LRRTM4: variants seen among roughly 807,000 people sequenced by gnomAD.
The protein encoded by LRRTM4 is leucine-rich repeat transmembrane neuronal protein 4.
In LRRTM4, 25 loss-of-function variants were observed where a neutral mutation model predicts 47.6. The observed-to-expected ratio is 0.53, with a 90% CI of 0.38 to 0.73. The LOEUF is 0.73. Ranked by LOEUF, LRRTM4 falls within the 30% of genes least tolerant of loss-of-function variation. The probability of loss-of-function intolerance (pLI) is 0.00; values close to 1 mark genes in which losing one functional copy is unlikely to be tolerated. For synonymous variants in LRRTM4, 311 were observed against 269.5 expected, an observed-to-expected ratio of 1.15 and a Z score of -1.51; for missense variants, 638 against 713.4, an observed-to-expected ratio of 0.89 and a Z score of 1.20.
chr2:76,770,710 T>C (rs1252707394), intron 3 of LRRTM4, among the ~76,000 whole-genome samples: 1 of 152,322 alleles, frequency 6.6e-6, no homozygotes, highest in East Asian at 1.9e-4. Flanking sequence ...CTTTTACATA[T>C]TCAGCATTTT....
intron 3 of LRRTM4, among the ~76,000 whole-genome samples, chr2:77,263,936 A>G (rs976932064): frequency 6.6e-6 from 1 of 152,076 alleles, no homozygotes; most frequent in Non-Finnish European, 1.5e-5. Context: ...TGGTGTCTAT[A>G]CAAAGGAAGA....
At chr2:77,405,709 T>A (rs1367459378) in intron 3 of LRRTM4, among the ~76,000 whole-genome samples, 3 of 152,104 alleles carry the variant, frequency 2.0e-5, no homozygotes, top group African/African-American at 7.2e-5. Flanking sequence ...ATAAGTGATC[T>A]TAAAGGGAAA....
In LRRTM4 at chr2:77,060,455, T is replaced by C. The variant is rs901006884; in HGVS notation, c.1552-311539A>G. Among the ~76,000 whole-genome samples, 3 of 152,158 alleles carry C rather than the reference T, an allele frequency of 2.0e-5. No individual in the cohort carries two copies. In the South Asian group the frequency reaches 6.2e-4, roughly 32 times the overall value. ...CTTTGTAAAAAGAGATTTAGGTAAATATGTTTGGGAATTTAAAAAATATTA... is the reference window on the plus strand; with the variant it reads ...CTTTGTAAAAAGAGATTTAGGTAAACATGTTTGGGAATTTAAAAAATATTA... On this transcript the variant is annotated intron_variant, in intron 3 of 3. Coordinates refer to ENST00000409884, the MANE Select transcript of LRRTM4 (RefSeq NM_001134745.3).
At position 77,292,696 on chromosome 2, in the gene LRRTM4, G is replaced by T. The variant is rs1676860502; in HGVS notation, c.1551+225622C>A. Among the ~76,000 whole-genome samples the T allele has an allele frequency of 4.8e-5, 6 of 125,328 alleles. No individual in the cohort carries two copies. In the South Asian group the frequency reaches 1.4e-3, roughly 30 times the overall value. 82.2% of individuals were successfully genotyped at this position (125,328 alleles called of 152,430 possible). ...GGAACATCACACTCTGGGGACTGTTGTGGGGTGGGGGGAGGGGGGAGGGGT... is the reference window on the plus strand; with the variant it reads ...GGAACATCACACTCTGGGGACTGTTTTGGGGTGGGGGGAGGGGGGAGGGGT... On this transcript the variant is annotated intron_variant, in intron 3 of 3. Coordinates refer to ENST00000409884, the MANE Select transcript of LRRTM4 (RefSeq NM_001134745.3).
chr2:76,840,523 A>G (rs1441463799), intron 3 of LRRTM4, among the ~76,000 whole-genome samples: 1 of 152,204 alleles, frequency 6.6e-6, no homozygotes, highest in Non-Finnish European at 1.5e-5. Context: ...GTTTATGTGC[A>G]GTAAATGTAA....
intron 3 of LRRTM4, among the ~76,000 whole-genome samples, chr2:77,224,059 A>G (rs1247263751): frequency 6.6e-6 from 1 of 151,416 alleles, no homozygotes; most frequent in Non-Finnish European, 1.5e-5. Context: ...GATGCCGCAT[A>G]TCTACAACTA....
chr2:77,264,163 G>T (rs756233032), intron 3 of LRRTM4, among the ~76,000 whole-genome samples: 7 of 152,070 alleles, frequency 4.6e-5, no homozygotes, highest in Non-Finnish European at 8.8e-5. Context: ...CAACAGAAAG[G>T]TAATTTCTCT....
In LRRTM4 at chr2:76,929,203, A is replaced by T. The variant is rs140610743; in HGVS notation, c.1552-180287T>A. ...TAGGTCACAGAGTTTAGGACCAGAC[A>T]TATCACTGGAAGGAAAGAAGAGGTT... On this transcript the variant is annotated intron_variant, in intron 3 of 3. Transcript: ENST00000409884. 9.1e-3 allele frequency among the ~76,000 whole-genome samples: 1,392 copies of T among 152,308 alleles called. 8 individuals are homozygous for T. Among genetic ancestry groups the T allele is most frequent in the Non-Finnish European group, 0.014 (945 of 68,028 alleles).
chr2:77,505,047 T>C (rs1294918084), intron 3 of LRRTM4, among the ~76,000 whole-genome samples: 4 of 151,280 alleles, frequency 2.6e-5, no homozygotes. Flanking sequence ...TTATTAAATA[T>C]AACTCAACTA....
intron 3 of LRRTM4, among the ~76,000 whole-genome samples, chr2:77,181,658 A>G (rs1011816850): frequency 3.9e-5 from 6 of 152,216 alleles, no homozygotes; most frequent in Non-Finnish European, 8.8e-5. Context: ...AAATTGAATA[A>G]GAACAGATTG....
At chr2:76,788,994 T>C (rs911491830) in intron 3 of LRRTM4, among the ~76,000 whole-genome samples, 1 of 152,198 alleles carries the variant, frequency 6.6e-6, no homozygotes, top group African/African-American at 2.4e-5. Context: ...ACATAAAACT[T>C]ACACTGAGTT....
At chr2:77,390,559 ATTTCCCCTC>A (rs1673463266) in intron 3 of LRRTM4, among the ~76,000 whole-genome samples, 1 of 151,958 alleles carries the variant, frequency 6.6e-6, no homozygotes, top group Non-Finnish European at 1.5e-5. Context: ...GTGAAGCATC[ATTTCCCCTC>A]TTAACAATAA....
intron 3 of LRRTM4, among the ~76,000 whole-genome samples, chr2:76,779,901 G>C (rs962716546): frequency 7.6e-4 from 115 of 151,848 alleles, no homozygotes; most frequent in Non-Finnish European, 9.0e-4. Flanking sequence ...GGCTGGTACC[G>C]GTTGTTCCTT....
chr2:77,415,892 A>T (rs1301616445), intron 3 of LRRTM4, among the ~76,000 whole-genome samples: 1 of 152,158 alleles, frequency 6.6e-6, no homozygotes, highest in Non-Finnish European at 1.5e-5. Flanking sequence ...AATAAATAAA[A>T]CACAAATGAT....
intron 3 of LRRTM4, among the ~76,000 whole-genome samples, chr2:77,314,111 A>T (rs1039654367): frequency 6.6e-6 from 1 of 152,192 alleles, no homozygotes; most frequent in African/African-American, 2.4e-5. Flanking sequence ...GAGCAAACTC[A>T]CGCATATTTT....
chr2:77,500,782 A>T (rs1678544119), intron 3 of LRRTM4, among the ~76,000 whole-genome samples: 1 of 151,582 alleles, frequency 6.6e-6, no homozygotes, highest in South Asian at 2.1e-4. Context: ...TCTAAAGTTC[A>T]TCTCAATATC....
intron 3 of LRRTM4, among the ~76,000 whole-genome samples, chr2:77,394,974 T>A (rs1213328923): frequency 6.6e-6 from 1 of 151,932 alleles, no homozygotes; most frequent in Admixed American, 6.6e-5. Context: ...AATTTGCTTA[T>A]CTTGAGGCCA....
intron 3 of LRRTM4, among the ~76,000 whole-genome samples, chr2:77,276,717 A>ATATC (rs1676369778): frequency 1.6e-5 from 2 of 123,934 alleles, no homozygotes; most frequent in Admixed American, 7.8e-5. Flanking sequence ...ATATATATAT[A>ATATC]TATATATATA....
chr2:77,402,741 C>T (rs565633186), intron 3 of LRRTM4, among the ~76,000 whole-genome samples: 38 of 152,026 alleles, frequency 2.5e-4, no homozygotes, highest in African/African-American at 8.2e-4. Flanking sequence ...CCTTACATGA[C>T]CCTGCTTGAT....
Sources: allele counts gnomAD v4.1 joint callset (sites outside exome capture counted in the v4.1 genomes callset), GRCh38; gene constraint gnomAD v4.1.1; transcripts MANE v1.5; gene names NCBI Gene and HGNC (gene_info 2026-07-23, HGNC 2026-07-21).